DST: variants seen among roughly 807,000 people sequenced by gnomAD.
DST encodes the protein dystonin, also known as bullous pemphigoid antigen.
DST carries 253 observed loss-of-function variants against 875.2 expected under a neutral mutation model. That is an observed-to-expected ratio of 0.29 (90% CI 0.26 to 0.32). DST has a LOEUF of 0.32. Ranked by LOEUF, DST falls within the 10% of genes least tolerant of loss-of-function variation. The probability of loss-of-function intolerance (pLI) is 1.00; values close to 1 mark genes in which losing one functional copy is unlikely to be tolerated. For synonymous variants in DST, 3,124 were observed against 3,197.1 expected, an observed-to-expected ratio of 0.98 and a Z score of 0.77; for missense variants, 8,287 against 9,111.6, an observed-to-expected ratio of 0.91 and a Z score of 3.68.
chr6:56,670,898 T>C, intron 9 of DST, 91 bp from the exon 10 acceptor site: 1 of 729,890 alleles, frequency 1.4e-6, no homozygotes, highest in South Asian at 2.6e-5. Context: ...TTCCAAAATC[T>C]AAGATTAGGA....
intron 4 of DST, among the ~76,000 whole-genome samples, chr6:56,769,120 T>G (rs901973650): frequency 1.3e-5 from 2 of 152,024 alleles, no homozygotes; most frequent in Admixed American, 6.6e-5. Context: ...ACAACTCAGT[T>G]TAAAAGTGGG....
chr6:56,648,483 G>A, intron 13 of DST, 87 bp downstream of exon 13: 1 of 1,329,250 alleles, frequency 7.5e-7, no homozygotes, highest in Non-Finnish European at 9.9e-7. Context: ...AACTTTTGTT[G>A]AACTTCTAAA....
intron 47 of DST, among the ~76,000 whole-genome samples, chr6:56,596,477 C>T (rs2098388826): frequency 6.6e-6 from 1 of 152,184 alleles, no homozygotes; most frequent in African/African-American, 2.4e-5. Context: ...CTACTTTGGT[C>T]AACTTACTAA....
intron 100 of DST, chr6:56,463,978 G>GAAAAAAAAAA: frequency 1.5e-6 from 1 of 663,786 alleles, no homozygotes; most frequent in African/African-American, 1.8e-5. Context: ...GTTCGGGGAG[G>GAAAAAAAAAA]AAAAAATAAA....
chr6:56,849,927 T>C (rs1764202944), intron 4 of DST, among the ~76,000 whole-genome samples: 1 of 152,214 alleles, frequency 6.6e-6, no homozygotes. Context: ...CACACCCTCC[T>C]TTCATCTATC....
At chr6:56,927,324 A>G (rs1391319803) in intron 2 of DST, among the ~76,000 whole-genome samples, 4 of 152,202 alleles carry the variant, frequency 2.6e-5, no homozygotes, top group African/African-American at 9.6e-5. Flanking sequence ...AACAACAACA[A>G]AAGCCTGGAA....
chr6:56,578,901 C>T lies in DST; in HGVS notation c.12940G>A (p.Val4314Ile), dbSNP rs755123053. ...QGQISSQQVA[V>I]EKLKKTAEVL... is the part of the protein sequence containing the mutation. ...TCAGCCGTTTTCTTCAGTTTCTCTA[C>T]AGCAACCTGCTGACTTGATATCTGT... Residue 4314 changes from valine (V) to isoleucine (I), a missense_variant, in exon 50 of 104, where the codon GTA (valine) becomes ATA (isoleucine). By Grantham distance (29) the Val-to-Ile change is conservative. This residue lies in a region of DST where 1,513 missense variants were observed against 1,677.8 expected (regional missense o/e 0.90). Transcript: ENST00000680361. 22 of 1,604,278 alleles carry T rather than the reference C, an allele frequency of 1.4e-5. No individual in the cohort carries two copies. In the East Asian group the frequency reaches 1.8e-4, roughly 13 times the overall value.
At chr6:56,634,000 T>C (rs1563336844) in intron 27 of DST, 132 bp downstream of exon 27, 1 of 1,091,278 alleles carries the variant, frequency 9.2e-7, no homozygotes, top group Middle Eastern at 2.0e-4. Flanking sequence ...CAAATATTCA[T>C]TGAATAAATG....
At chr6:56,669,564 C>A (rs2099089280) in intron 10 of DST, among the ~76,000 whole-genome samples, 1 of 145,208 alleles carries the variant, frequency 6.9e-6, no homozygotes, top group Non-Finnish European at 1.5e-5. Context: ...CCACTGCACT[C>A]TAGCCTGGGT....
intron 8 of DST, among the ~76,000 whole-genome samples, chr6:56,700,241 C>A (rs1039593286): frequency 6.6e-6 from 1 of 152,204 alleles, no homozygotes; most frequent in African/African-American, 2.4e-5. Flanking sequence ...ACTCCTCCCA[C>A]CAGCCAGTTC....
intron 4 of DST, among the ~76,000 whole-genome samples, chr6:56,850,908 T>C (rs1423698611): frequency 6.6e-6 from 1 of 152,222 alleles, no homozygotes; most frequent in Non-Finnish European, 1.5e-5. Flanking sequence ...ACAGAGATGC[T>C]ACATTTAAAG....
At chr6:56,905,479 G>C (rs1562354403) in intron 2 of DST, among the ~76,000 whole-genome samples, 1 of 152,006 alleles carries the variant, frequency 6.6e-6, no homozygotes, top group Non-Finnish European at 1.5e-5. Context: ...AACTAATTTA[G>C]ATACTTTATA....
intron 49 of DST, among the ~76,000 whole-genome samples, chr6:56,583,636 A>C (rs2098077448): frequency 6.6e-6 from 1 of 152,192 alleles, no homozygotes. Flanking sequence ...TTTTGTTGCC[A>C]TTGCTTTTGG....
chr6:56,501,490 T>C (rs1042499165), intron 79 of DST, 30 bp downstream of exon 79: 1 of 1,433,670 alleles, frequency 7.0e-7, no homozygotes, highest in South Asian at 1.5e-5. Flanking sequence ...TGAAAATTTA[T>C]AATTTCTTAA....
In DST at chr6:56,900,499, C is replaced by T. The variant is rs1343370073; in HGVS notation, c.339G>A (p.Arg113=). The T allele has an allele frequency of 7.3e-7, 1 of 1,367,576 alleles. No homozygotes were observed. The allele number at this position is 1,367,576 out of a possible 1,614,324, so 84.7% of individuals were successfully genotyped here. The change falls in exon 3 of 104, where the codon AGG becomes AGA. Residue 113 remains arginine, a synonymous_variant. Transcript: ENST00000680361. ...HHQSEQETSV[R]KRRIKKSSRV... The stretch of plus-strand genomic sequence containing the variant: ...GGCTGCTCTTCTTGATTCTTCGTTT[C>T]CTCACTGAAGTTTCTTGCTCACTCT...
At chr6:56,557,559 C>A (rs1377609808) in intron 58 of DST, 41 bp from the exon 59 acceptor site, 2 of 1,472,340 alleles carry the variant, frequency 1.4e-6, no homozygotes, top group Non-Finnish European at 1.9e-6. Flanking sequence ...ACATTTTTTG[C>A]ATTTAACATG....
At chr6:56,712,016 G>A (rs1393348892) in intron 5 of DST, among the ~76,000 whole-genome samples, 9 of 147,850 alleles carry the variant, frequency 6.1e-5, no homozygotes, top group Admixed American at 3.4e-4. Flanking sequence ...GCGTGAACCC[G>A]GGAGGCGGAG....
intron 4 of DST, among the ~76,000 whole-genome samples, chr6:56,816,940 G>A (rs1486350671): frequency 1.3e-5 from 2 of 151,224 alleles, no homozygotes; most frequent in African/African-American, 2.4e-5. Flanking sequence ...TATAGTCTCT[G>A]CTAGATTATA....
In DST at chr6:56,816,447, A is replaced by G. The variant is rs77457633; in HGVS notation, c.625+34950T>C. On this transcript the variant is annotated intron_variant, in intron 4 of 103. Transcript: ENST00000680361. ...AGAAGAGGCTTCATCCACTTCATGC[A>G]GATTCAGCCAATAAAGAGATTTAGA... Among the ~76,000 whole-genome samples, 1,306 of 152,302 alleles carry G rather than the reference A, an allele frequency of 8.6e-3. 23 individuals are homozygous for G. Among genetic ancestry groups the G allele is most frequent in the African/African-American group, 0.03 (1,261 of 41,556 alleles).
Sources: gnomAD v4.1 joint callset for allele counts (sites outside exome capture counted in the v4.1 genomes callset) on GRCh38, gnomAD v4.1.1 for gene constraint, gnomAD v4.1.1 regional missense constraint, MANE v1.5 for transcripts, NCBI Gene and HGNC (gene_info 2026-07-23, HGNC 2026-07-21) for gene names.